Variants in AKAP7 observed in about 807,000 individuals in gnomAD.
AKAP7 encodes A-kinase anchoring protein 7.
AKAP7 carries 39 observed loss-of-function variants against 39.5 expected under a neutral mutation model. The ratio of observed to expected loss-of-function variants is 0.99; its 90% CI spans 0.76 to 1.29. The LOEUF (loss-of-function observed/expected upper bound fraction) is 1.29. Ranked by LOEUF, AKAP7 falls within the 50% of genes most tolerant of loss-of-function variation. The pLI, the probability that AKAP7 is intolerant of heterozygous loss-of-function variation, is 0.00. For synonymous variants in AKAP7, 140 were observed against 139.1 expected (o/e 1.01, Z -0.05); for missense variants, 414 against 407.7 (o/e 1.02, Z -0.13).
At chr6:131,191,950 T>G (rs536366101) in intron 5 of AKAP7, among the ~76,000 whole-genome samples, 1 of 151,564 alleles carries the variant, frequency 6.6e-6, no homozygotes, top group South Asian at 2.1e-4. Context: ...AATTTTCATA[T>G]CTTTTTGTAG....
intron 1 of AKAP7, among the ~76,000 whole-genome samples, chr6:131,136,091 A>G (rs948910817): frequency 6.6e-6 from 1 of 152,194 alleles, no homozygotes; most frequent in African/African-American, 2.4e-5. Flanking sequence ...CACAAAGTTC[A>G]TGCCAGTACA....
At chr6:131,250,379 TGCTCACGGCA>T in intron 7 of AKAP7, 1 of 1,425,752 alleles carries the variant, frequency 7.0e-7, no homozygotes, top group South Asian at 1.5e-5. Context: ...GAGCCTTTTT[TGCTCACGGCA>T]GCAAGTTCCC....
chr6:131,180,445 A>G (rs1177848420), intron 5 of AKAP7, among the ~76,000 whole-genome samples: 1 of 152,212 alleles, frequency 6.6e-6, no homozygotes, highest in African/African-American at 2.4e-5. Flanking sequence ...AGAATTAGCT[A>G]CAGAAAAATC....
chr6:131,256,128 G>A (rs1287451466), intron 7 of AKAP7, among the ~76,000 whole-genome samples: 1 of 152,210 alleles, frequency 6.6e-6, no homozygotes, highest in African/African-American at 2.4e-5. Context: ...CTCAGCATCT[G>A]CTGCCCTCTT....
chr6:131,229,266 AT>A (rs1376939262), intron 7 of AKAP7, among the ~76,000 whole-genome samples: 1 of 152,202 alleles, frequency 6.6e-6, no homozygotes, highest in Non-Finnish European at 1.5e-5. Flanking sequence ...AAAAATAGAA[AT>A]TTTGGAAAAC....
intron 2 of AKAP7, among the ~76,000 whole-genome samples, chr6:131,152,791 C>T (rs1195137896): frequency 1.4e-5 from 2 of 139,736 alleles, no homozygotes; most frequent in Non-Finnish European, 3.0e-5. Context: ...TGCACCACTG[C>T]ACTGCAGCCT....
intron 3 of AKAP7, among the ~76,000 whole-genome samples, chr6:131,164,183 A>C (rs904263629): frequency 2.7e-5 from 4 of 150,368 alleles, no homozygotes; most frequent in Non-Finnish European, 5.9e-5. Context: ...GTCAGCCCCC[A>C]CTCTTTCCCT....
At chr6:131,214,419 A>C (rs756350088) in intron 6 of AKAP7, among the ~76,000 whole-genome samples, 7 of 152,216 alleles carry the variant, frequency 4.6e-5, no homozygotes, top group Non-Finnish European at 8.8e-5. Flanking sequence ...TGCCTAAAAA[A>C]ATCCCATGGT....
At chr6:131,149,709 A>G (rs140183702) in intron 2 of AKAP7, among the ~76,000 whole-genome samples, 16 of 152,346 alleles carry the variant, frequency 1.1e-4, no homozygotes, top group African/African-American at 3.6e-4. Context: ...TAGGGTGGAC[A>G]CGTTTTAGGA....
At chr6:131,262,734 T>C (rs757569172) in intron 7 of AKAP7, among the ~76,000 whole-genome samples, 5 of 152,326 alleles carry the variant, frequency 3.3e-5, no homozygotes, top group Admixed American at 1.3e-4. Flanking sequence ...AAACTAATCT[T>C]TCAATAGTTT....
intron 7 of AKAP7, among the ~76,000 whole-genome samples, chr6:131,228,810 T>C (rs1423959084): frequency 2.0e-5 from 3 of 152,168 alleles, no homozygotes; most frequent in Non-Finnish European, 4.4e-5. Context: ...AACATTTACA[T>C]GCAAAAGCAA....
intron 7 of AKAP7, chr6:131,250,753 A>T (rs1235685481): frequency 1.2e-6 from 1 of 819,108 alleles, no homozygotes; most frequent in South Asian, 1.8e-5. Flanking sequence ...TGTGTTTCTT[A>T]AAGGGACTGG....
At position 131,282,824 on chromosome 6, in the gene AKAP7, G is replaced by T; in HGVS notation, c.*1098G>T. ...AATATCTGTTTCTGTAATATTGAGA[G>T]TTATTTTATAGAAATGATTTCTTAA... On this transcript the variant is annotated 3_prime_UTR_variant, in exon 8 of 8. Transcript: ENST00000431975. 2.4e-6 allele frequency: 1 copy of T among 410,516 alleles called. No individual in the cohort carries two copies. Among genetic ancestry groups the T allele is most frequent in the Non-Finnish European group, 4.3e-6 (1 of 232,084 alleles). 25.4% of individuals were successfully genotyped at this position (410,516 alleles called of 1,614,324 possible). A position where few individuals can be genotyped will look rare whatever the true frequency, so the allele number is the denominator to read the frequency against.
intron 7 of AKAP7, among the ~76,000 whole-genome samples, chr6:131,226,693 A>G (rs756273208): frequency 4.6e-4 from 70 of 152,224 alleles, no homozygotes; most frequent in Non-Finnish European, 1.3e-4. Context: ...GCTTGCAAAG[A>G]CTAGTTTACT....
At chr6:131,213,763 T>C (rs1808895511) in intron 6 of AKAP7, among the ~76,000 whole-genome samples, 7 of 152,056 alleles carry the variant, frequency 4.6e-5, no homozygotes, top group Admixed American at 4.6e-4. Flanking sequence ...CTGCAGGAAA[T>C]GAGAAGGAGG....
chr6:131,132,327 AAG>A (rs1800346851), upstream of AKAP7, among the ~76,000 whole-genome samples: 1 of 151,830 alleles, frequency 6.6e-6, no homozygotes, highest in African/African-American at 2.4e-5. Context: ...AAAAAAAAAA[AAG>A]ATGAATTCAT....
At chr6:131,150,055 G>C (rs1430164425) in intron 2 of AKAP7, among the ~76,000 whole-genome samples, 1 of 152,172 alleles carries the variant, frequency 6.6e-6, no homozygotes, top group East Asian at 1.9e-4. Context: ...CTGGGCTCCA[G>C]TGATCCGCCC....
In AKAP7 at chr6:131,135,676, C is replaced by T; in HGVS notation, c.-88C>T. ...CAGGCCCCGAGCCCCGCCCTGGCCT[C>T]CGCCTCGGCCTCGCCTCCAGCCCCG... On this transcript the variant is annotated 5_prime_UTR_variant, in exon 1 of 8. Coordinates refer to ENST00000431975, the MANE Select transcript of AKAP7 (RefSeq NM_016377.4). 1 of 1,089,764 alleles carries T rather than the reference C, an allele frequency of 9.2e-7. No homozygotes were observed. Among genetic ancestry groups the T allele is most frequent in the Non-Finnish European group, 1.1e-6 (1 of 896,550 alleles). 67.5% of individuals were successfully genotyped at this position (1,089,764 alleles called of 1,614,324 possible).
Position 131,179,900 on chromosome 6 carries a change from A to T in AKAP7, c.589+10627A>T, listed in dbSNP as rs573481089. The stretch of plus-strand genomic sequence containing the variant: ...ATAAATAAATAAATAAATAAATAAT[A>T]AATAAATAAATAAGTTGTTAATAAG... On this transcript the variant is annotated intron_variant, in intron 5 of 7. Coordinates refer to ENST00000431975, the MANE Select transcript of AKAP7 (RefSeq NM_016377.4). Among the ~76,000 whole-genome samples, 724 of 151,514 alleles carry T rather than the reference A, an allele frequency of 4.8e-3. 8 individuals carry two copies. Among genetic ancestry groups the T allele is most frequent in the African/African-American group, 0.017 (683 of 41,292 alleles).
Sources: gnomAD v4.1 joint callset for allele counts (sites outside exome capture counted in the v4.1 genomes callset) on GRCh38, gnomAD v4.1.1 for gene constraint, MANE v1.5 for transcripts, NCBI Gene and HGNC (gene_info 2026-07-23, HGNC 2026-07-21) for gene names.